Variants in TAFA2 observed in about 807,000 individuals in gnomAD.
TAFA2 encodes the protein chemokine-like protein TAFA-2.
A neutral mutation model predicts 18.8 loss-of-function variants in TAFA2; 7 were observed. That is an observed-to-expected ratio of 0.37 (90% confidence interval 0.21 to 0.70). TAFA2 has a LOEUF of 0.70. Ranked by LOEUF, TAFA2 falls within the 30% of genes least tolerant of loss-of-function variation. The probability of loss-of-function intolerance (pLI) is 0.53; values close to 1 mark genes in which losing one functional copy is unlikely to be tolerated. For synonymous variants in TAFA2, 60 were observed against 54.2 expected, an observed-to-expected ratio of 1.11 and a Z score of -0.47; for missense variants, 122 against 158.1, an observed-to-expected ratio of 0.77 and a Z score of 1.23.
chr12:62,059,129 A>ATGTGTGTGTGTGTGTGTG (rs1565730990), intron 1 of TAFA2, among the ~76,000 whole-genome samples: 7 of 76,874 alleles, frequency 9.1e-5, no homozygotes, highest in African/African-American at 2.6e-4. Context: ...ATATATATAT[A>ATGTGTGTGTGTGTGTGTG]TGTGTGTATA....
intron 1 of TAFA2, among the ~76,000 whole-genome samples, chr12:61,966,415 C>A (rs1879069304): frequency 6.6e-6 from 1 of 151,888 alleles, no homozygotes; most frequent in Admixed American, 6.6e-5. Flanking sequence ...GGGCTGTAAT[C>A]CCATCCATGA....
chr12:62,256,531 A>G (rs763931389), intron 1 of TAFA2, among the ~76,000 whole-genome samples: 13 of 152,174 alleles, frequency 8.5e-5, no homozygotes, highest in Non-Finnish European at 1.6e-4. Flanking sequence ...TCCGAAATCT[A>G]ATCACTTTAT....
intron 1 of TAFA2, among the ~76,000 whole-genome samples, chr12:61,914,060 G>A (rs76408242): frequency 0.029 from 4,407 of 152,184 alleles, 93 homozygotes; most frequent in South Asian, 0.089. Flanking sequence ...CCTAACCCAG[G>A]GTGCTTAACT....
At chr12:62,083,400 T>C (rs1868352977) in intron 1 of TAFA2, among the ~76,000 whole-genome samples, 1 of 152,074 alleles carries the variant, frequency 6.6e-6, no homozygotes. Context: ...AGAAAAATAC[T>C]TATTGGACAC....
chr12:62,217,367 A>C (rs927883803), intron 1 of TAFA2, among the ~76,000 whole-genome samples: 1 of 152,204 alleles, frequency 6.6e-6, no homozygotes, highest in African/African-American at 2.4e-5. Context: ...ACTCCATCTG[A>C]AGTAAGGAGT....
chr12:62,097,177 A>G (rs1868987822), intron 1 of TAFA2, among the ~76,000 whole-genome samples: 1 of 152,138 alleles, frequency 6.6e-6, no homozygotes, highest in Non-Finnish European at 1.5e-5. Context: ...CTCTAATTGC[A>G]AGGAGCTTAA....
chr12:62,090,879 G>C (rs2136833774), intron 1 of TAFA2, among the ~76,000 whole-genome samples: 2 of 151,988 alleles, frequency 1.3e-5, no homozygotes, highest in Middle Eastern at 3.4e-3. Flanking sequence ...TAACTAGTTT[G>C]GGCCAAAATT....
chr12:62,098,942 T>C (rs1181963119), intron 1 of TAFA2, among the ~76,000 whole-genome samples: 1 of 152,142 alleles, frequency 6.6e-6, no homozygotes, highest in Non-Finnish European at 1.5e-5. Context: ...TTAAATTATA[T>C]TTACACATTA....
chr12:61,879,613 C>T (rs1875027544), intron 1 of TAFA2: 1 of 792,390 alleles, frequency 1.3e-6, no homozygotes, highest in Non-Finnish European at 2.3e-6. Context: ...CAGATCAAGA[C>T]ATTCAAAACA....
chr12:61,726,867 T>C (rs1476674078), intron 4 of TAFA2, among the ~76,000 whole-genome samples: 2 of 152,134 alleles, frequency 1.3e-5, no homozygotes, highest in African/African-American at 4.8e-5. Flanking sequence ...TGTGGGTTTG[T>C]CATGAATGGC....
chr12:61,773,801 G>A (rs1032743986), intron 2 of TAFA2, among the ~76,000 whole-genome samples: 6 of 151,882 alleles, frequency 4.0e-5, no homozygotes, highest in East Asian at 1.9e-4. Flanking sequence ...TAGGCAAAGC[G>A]TTCATGACCA....
At chr12:62,222,909 A>T (rs1392524024) in intron 1 of TAFA2, among the ~76,000 whole-genome samples, 1 of 152,130 alleles carries the variant, frequency 6.6e-6, no homozygotes, top group East Asian at 1.9e-4. Flanking sequence ...CTAAGAAAAG[A>T]TCTTATAACA....
At chr12:62,196,016 A>C (rs2062647441), upstream of TAFA2, among the ~76,000 whole-genome samples, 1 of 152,164 alleles carries the variant, frequency 6.6e-6, no homozygotes, top group African/African-American at 2.4e-5. Context: ...TCTTAGCTAG[A>C]TCTTCTGGAT....
chr12:61,805,755 A>T (rs1335995077), intron 2 of TAFA2, among the ~76,000 whole-genome samples: 2 of 152,222 alleles, frequency 1.3e-5, no homozygotes, highest in Non-Finnish European at 2.9e-5. Context: ...CTAAGAATAT[A>T]GAGATATCAA....
chr12:61,789,458 G>C (rs942920168), intron 2 of TAFA2, among the ~76,000 whole-genome samples: 2 of 151,696 alleles, frequency 1.3e-5, no homozygotes, highest in African/African-American at 4.8e-5. Flanking sequence ...ACCAAACACT[G>C]CATGTTCTCT....
At chr12:61,807,645 A>G (rs1264839228) in intron 2 of TAFA2, among the ~76,000 whole-genome samples, 2 of 151,456 alleles carry the variant, frequency 1.3e-5, no homozygotes, top group Non-Finnish European at 2.9e-5. Flanking sequence ...GAAAGCAGCC[A>G]GGAAGGAGGC....
intron 1 of TAFA2, among the ~76,000 whole-genome samples, chr12:61,931,166 T>C (rs1472851133): frequency 6.6e-6 from 1 of 152,194 alleles, no homozygotes; most frequent in Non-Finnish European, 1.5e-5. Flanking sequence ...GATTAAAGTG[T>C]ATTACCTGCT....
chr12:61,830,425 A>G (rs866542673), intron 2 of TAFA2, among the ~76,000 whole-genome samples: 2 of 151,714 alleles, frequency 1.3e-5, no homozygotes, highest in Non-Finnish European at 2.9e-5. Context: ...CCATAAAAAG[A>G]ATAAAATCAT....
chr12:62,152,980 G>A (rs1443571305), intron 1 of TAFA2, among the ~76,000 whole-genome samples: 1 of 152,110 alleles, frequency 6.6e-6, no homozygotes, highest in Non-Finnish European at 1.5e-5. Flanking sequence ...TTTCCATGAT[G>A]GAAAGGATCT....
Sources: gnomAD v4.1 joint callset for allele counts (sites outside exome capture counted in the v4.1 genomes callset) on GRCh38, gnomAD v4.1.1 for gene constraint, MANE v1.5 for transcripts, NCBI Gene and HGNC (gene_info 2026-07-23, HGNC 2026-07-21) for gene names.